Variants in NUDT3 observed in about 807,000 individuals in gnomAD.
NUDT3 encodes the protein diphosphoinositol polyphosphate phosphohydrolase 1.
NUDT3 carries 9 observed loss-of-function variants against 23.6 expected under a neutral mutation model. That is an observed-to-expected ratio of 0.38 (90% CI 0.23 to 0.66). The LOEUF (loss-of-function observed/expected upper bound fraction) is 0.66. Among genes scored for constraint, NUDT3 ranks in the 30% least tolerant of loss-of-function variants. The pLI is 0.52. For missense variants in NUDT3, 172 were observed against 218.5 expected (o/e 0.79, Z 1.34); for synonymous variants, 86 against 82.6 (o/e 1.04, Z -0.22).
At chr6:34,352,047 CA>C (rs201462719) in intron 1 of NUDT3, among the ~76,000 whole-genome samples, 1 of 151,040 alleles carries the variant, frequency 6.6e-6, no homozygotes, top group Non-Finnish European at 1.5e-5. Flanking sequence ...AAACAAAAAA[CA>C]AAAAAAAACT....
chr6:34,327,119 T>C (rs1365117849), intron 2 of NUDT3, among the ~76,000 whole-genome samples: 2 of 151,714 alleles, frequency 1.3e-5, no homozygotes, highest in African/African-American at 4.8e-5. Flanking sequence ...GTCATCCAAA[T>C]GATTGATAAG....
chr6:34,373,762 A>G (rs2113761872), intron 1 of NUDT3, among the ~76,000 whole-genome samples: 2 of 152,220 alleles, frequency 1.3e-5, no homozygotes, highest in East Asian at 3.8e-4. Context: ...ATGCTGCTGA[A>G]GTTGGTATAG....
chr6:34,382,839 A>C (rs868583984), intron 1 of NUDT3, among the ~76,000 whole-genome samples: 2 of 151,966 alleles, frequency 1.3e-5, no homozygotes, highest in African/African-American at 4.8e-5. Flanking sequence ...TCAAAAAAAA[A>C]AGGAAAGGCC....
chr6:34,295,736 C>A, intron 2 of NUDT3, 51 bp from the exon 3 acceptor site: 2 of 1,605,618 alleles, frequency 1.2e-6, no homozygotes, highest in South Asian at 2.2e-5. Context: ...TATTGCTGGT[C>A]TCATTCTGAG....
At chr6:34,377,849 G>T (rs1475119530) in intron 1 of NUDT3, among the ~76,000 whole-genome samples, 1 of 149,554 alleles carries the variant, frequency 6.7e-6, no homozygotes, top group South Asian at 2.1e-4. Flanking sequence ...AAAAAAAAAA[G>T]TGTGGAGAGA....
At chr6:34,322,895 T>C (rs765853978) in intron 2 of NUDT3, among the ~76,000 whole-genome samples, 2 of 152,146 alleles carry the variant, frequency 1.3e-5, no homozygotes, top group East Asian at 1.9e-4. Flanking sequence ...AGTGTACATA[T>C]ACAAAATGGA....
chr6:34,376,281 C>T (rs188024091), intron 1 of NUDT3, among the ~76,000 whole-genome samples: 121 of 152,122 alleles, frequency 8.0e-4, no homozygotes, highest in African/African-American at 2.9e-3. Flanking sequence ...GGGTCTCACT[C>T]TGTCACCGAG....
chr6:34,367,638 G>A (rs758648140), intron 1 of NUDT3, among the ~76,000 whole-genome samples: 3 of 152,064 alleles, frequency 2.0e-5, no homozygotes, highest in Non-Finnish European at 2.9e-5. Flanking sequence ...AAAAACACTA[G>A]GACAAACCTA....
chr6:34,310,244 C>G (rs1489362959), intron 2 of NUDT3, among the ~76,000 whole-genome samples: 1 of 151,416 alleles, frequency 6.6e-6, no homozygotes, highest in East Asian at 1.9e-4. Context: ...AAAATAATAA[C>G]AAAAGCAGGG....
chr6:34,392,383 T>C lies in NUDT3; in HGVS notation c.-21A>G. On this transcript the variant is annotated 5_prime_UTR_variant, in exon 1 of 5. Coordinates refer to ENST00000607016, the MANE Select transcript of NUDT3 (RefSeq NM_006703.4). ...ATCATCCTCCGGGCCCGGGTGGGGG[T>C]GCGGTGCGGGTCGCAGGAGTCGAGG... 1 of 1,585,920 alleles carries C rather than the reference T, an allele frequency of 6.3e-7. No individual in the cohort carries two copies. The highest frequency in any genetic ancestry group is 8.6e-7 in the Non-Finnish European group (1 of 1,166,846).
intron 1 of NUDT3, among the ~76,000 whole-genome samples, chr6:34,376,993 C>T (rs1764935553): frequency 1.3e-5 from 2 of 152,146 alleles, no homozygotes; most frequent in Admixed American, 1.3e-4. Flanking sequence ...GTCTCCTTCT[C>T]CTAACATACT....
chr6:34,318,823 A>G (rs1313992300), intron 2 of NUDT3, among the ~76,000 whole-genome samples: 2 of 152,126 alleles, frequency 1.3e-5, no homozygotes, highest in African/African-American at 2.4e-5. Context: ...ATGGCCTCCC[A>G]AAGTGCTGGG....
rs894828005 is a variant in NUDT3, at chr6:34,283,163, G to A, written c.*5590C>T. Reference sequence around the variant, plus strand: ...GACTGCTAGCCTCAGCTCAAGTAGTGTGCCCAAATCATCACAAAATGGGAT... The same window carrying A: ...GACTGCTAGCCTCAGCTCAAGTAGTATGCCCAAATCATCACAAAATGGGAT... On this transcript the variant is annotated 3_prime_UTR_variant, in exon 5 of 5. Coordinates refer to ENST00000607016, the MANE Select transcript of NUDT3 (RefSeq NM_006703.4). The A allele has an allele frequency of 4.6e-5, 7 of 150,868 alleles. No homozygotes were observed. The highest frequency in any genetic ancestry group is 1.5e-4 in the African/African-American group (6 of 40,984). 9.3% of individuals were successfully genotyped at this position (150,868 alleles called of 1,614,324 possible).
chr6:34,317,332 C>A lies in NUDT3; in HGVS notation c.211-21647G>T, dbSNP rs1243537075. Among the ~76,000 whole-genome samples, 3 of 151,994 alleles carry A rather than the reference C, an allele frequency of 2.0e-5. No individual in the cohort carries two copies. In the East Asian group the frequency reaches 5.8e-4, roughly 29 times the overall value. ...CCCATCCACACAACTACCTACCTAC[C>A]CACTAATCCAACCACCTACCTACTG... On this transcript the variant is annotated intron_variant, in intron 2 of 4. Transcript: ENST00000607016.
chr6:34,345,766 G>C (rs1764359037), intron 1 of NUDT3, among the ~76,000 whole-genome samples: 1 of 147,632 alleles, frequency 6.8e-6, no homozygotes, highest in Non-Finnish European at 1.5e-5. Flanking sequence ...CCTTACTTTT[G>C]TTTTGTTTTG....
intron 2 of NUDT3, among the ~76,000 whole-genome samples, chr6:34,306,562 A>G (rs995716368): frequency 2.0e-5 from 3 of 152,264 alleles, no homozygotes; most frequent in Admixed American, 6.5e-5. Context: ...GGAAAAGCAA[A>G]CACAACTGTT....
intron 2 of NUDT3, among the ~76,000 whole-genome samples, chr6:34,331,615 A>T (rs956056590): frequency 6.6e-6 from 1 of 152,218 alleles, no homozygotes; most frequent in South Asian, 2.1e-4. Context: ...CACACTTTTT[A>T]AAAAAGCAAT....
chr6:34,298,692 TGCCTCA>T (rs905230544), intron 2 of NUDT3, among the ~76,000 whole-genome samples: 1 of 152,156 alleles, frequency 6.6e-6, no homozygotes, highest in Non-Finnish European at 1.5e-5. Context: ...GCAATTCTCC[TGCCTCA>T]GCCTCCTGAG....
intron 1 of NUDT3, among the ~76,000 whole-genome samples, chr6:34,350,911 G>A (rs1764456604): frequency 6.6e-6 from 1 of 150,382 alleles, no homozygotes; most frequent in Admixed American, 6.6e-5. Flanking sequence ...TATCTTGGGA[G>A]CAACAAGATT....
Sources: gnomAD v4.1 joint callset for allele counts (sites outside exome capture counted in the v4.1 genomes callset) on GRCh38, gnomAD v4.1.1 for gene constraint, MANE v1.5 for transcripts, NCBI Gene and HGNC (gene_info 2026-07-23, HGNC 2026-07-21) for gene names.